The following CXXC5 variants were observed in gnomAD, a reference collection of about 807,000 sequenced individuals.
CXXC5 encodes CXXC finger protein 5.
In CXXC5, 2 loss-of-function variants were observed where a neutral mutation model predicts 17.6. The ratio of observed to expected loss-of-function variants is 0.11; its 90% CI spans 0.05 to 0.36. The LOEUF (loss-of-function observed/expected upper bound fraction) is 0.36. Among genes scored for constraint, CXXC5 ranks in the 10% least tolerant of loss-of-function variants. The pLI is 1.00. For synonymous variants in CXXC5, 171 were observed against 193.0 expected (o/e 0.89, Z 0.94); for missense variants, 343 against 458.3 (o/e 0.75, Z 2.30).
At chr5:139,678,869 T>C (rs585101) in intron 1 of CXXC5, among the ~76,000 whole-genome samples, 53,080 of 152,082 alleles carry the variant, frequency 0.35, 9,740 homozygotes, top group Middle Eastern at 0.45. Flanking sequence ...CACCCCTCTC[T>C]TGGGGCATGC....
chr5:139,648,171 G>A (rs1355824896), upstream of CXXC5: 1 of 150,010 alleles, frequency 6.7e-6, no homozygotes, highest in Non-Finnish European at 1.5e-5. Context: ...CTGCAGCTCC[G>A]GCCTCAGAGC....
rs73261159 is a variant in CXXC5 at position 139,670,619 on chromosome 5, C to T, written c.-160-9745C>T. Among the ~76,000 whole-genome samples, 3 of 152,302 alleles carry T rather than the reference C, an allele frequency of 2.0e-5. No individual in the cohort carries two copies. The highest frequency in any genetic ancestry group is 7.2e-5 in the African/African-American group (3 of 41,558). The stretch of plus-strand genomic sequence containing the variant: ...TTCATGCGGCAAAGATGTGTTGACA[C>T]GTACAGACCAGAAGACTCCACAAAC... On this transcript the variant is annotated intron_variant, in intron 1 of 2. Transcript: ENST00000302517. This position sits in a 1 kb window ranked among gnomAD's most constrained non-coding sequence, Gnocchi z 4.2.
chr5:139,654,705 A>G (rs1313672225), intron 1 of CXXC5, among the ~76,000 whole-genome samples: 2 of 152,176 alleles, frequency 1.3e-5, no homozygotes, highest in African/African-American at 2.4e-5. Flanking sequence ...GACAGACCCC[A>G]TGGGGCACAT....
chr5:139,650,139 G>T (rs1755087302), intron 1 of CXXC5, among the ~76,000 whole-genome samples: 1 of 152,212 alleles, frequency 6.6e-6, no homozygotes, highest in Non-Finnish European at 1.5e-5. Flanking sequence ...GGTGCCTCGG[G>T]CTGCAAGGAA....
chr5:139,672,340 A>T (rs1168722855), intron 1 of CXXC5, among the ~76,000 whole-genome samples: 1 of 151,738 alleles, frequency 6.6e-6, no homozygotes, highest in Non-Finnish European at 1.5e-5. Flanking sequence ...CTGTTCTCGA[A>T]CTCCCGACCT....
At position 139,653,836 on chromosome 5, in the gene CXXC5, C is replaced by T. The variant is rs1755341122; in HGVS notation, c.-161+4991C>T. On this transcript the variant is annotated intron_variant, in intron 1 of 2. Transcript: ENST00000302517. ...CATTTCCTGCCTCTGATGCTGGCCT[C>T]CCTCTGGGCTCACAGGGCCTAGGAG... Among the ~76,000 whole-genome samples the T allele has an allele frequency of 2.7e-5, 4 of 149,224 alleles. No homozygotes were observed. In the South Asian group the frequency reaches 8.3e-4, roughly 31 times the overall value.
At chr5:139,666,718 C>G (rs551168621) in intron 1 of CXXC5, among the ~76,000 whole-genome samples, 1 of 152,220 alleles carries the variant, frequency 6.6e-6, no homozygotes, top group East Asian at 1.9e-4. Context: ...CAGAGAGCTG[C>G]GGAGAGGTGC....
At chr5:139,676,011 GTC>G (rs1756762797) in intron 1 of CXXC5, among the ~76,000 whole-genome samples, 4 of 130,858 alleles carry the variant, frequency 3.1e-5, no homozygotes. Flanking sequence ...CCAGGTATGA[GTC>G]TCCCTCCTTC....
intron 1 of CXXC5, among the ~76,000 whole-genome samples, chr5:139,673,806 A>C (rs367662600): frequency 6.7e-6 from 1 of 148,886 alleles, no homozygotes; most frequent in African/African-American, 2.5e-5. Context: ...CGGGCCACGC[A>C]CTCCAGCCTG....
At chr5:139,671,196 G>A (rs532551250) in intron 1 of CXXC5, among the ~76,000 whole-genome samples, 1 of 152,364 alleles carries the variant, frequency 6.6e-6, no homozygotes, top group Non-Finnish European at 1.5e-5. Flanking sequence ...GTGGGATGGG[G>A]CGGGGGGTTC....
intron 1 of CXXC5, among the ~76,000 whole-genome samples, chr5:139,674,182 A>G (rs6580192): frequency 1 from 151,810 of 152,286 alleles, 75,691 homozygotes; most frequent in Middle Eastern, 1. Context: ...CTCCAAGACC[A>G]GTCTCCCTGG....
At chr5:139,667,833 C>T (rs937416713) in intron 1 of CXXC5, among the ~76,000 whole-genome samples, 1 of 152,158 alleles carries the variant, frequency 6.6e-6, no homozygotes, top group Non-Finnish European at 1.5e-5. Context: ...ATGTTGTTCT[C>T]GCCATCCTTA....
At chr5:139,677,805 C>T (rs1409114427) in intron 1 of CXXC5, among the ~76,000 whole-genome samples, 1 of 152,218 alleles carries the variant, frequency 6.6e-6, no homozygotes, top group Non-Finnish European at 1.5e-5. Context: ...CCAGGAGAGA[C>T]TCAGGACGGA....
At chr5:139,676,893 T>C (rs1271343855) in intron 1 of CXXC5, among the ~76,000 whole-genome samples, 1 of 151,132 alleles carries the variant, frequency 6.6e-6, no homozygotes, top group Non-Finnish European at 1.5e-5. Flanking sequence ...TCCCCTCTAG[T>C]TCTCTGTCTC....
chr5:139,651,618 C>T (rs1367541533), intron 1 of CXXC5, among the ~76,000 whole-genome samples: 5 of 152,034 alleles, frequency 3.3e-5, no homozygotes, highest in African/African-American at 1.2e-4. Flanking sequence ...AATGAAATAC[C>T]CTGCCTTCTT....
At position 139,648,650 on chromosome 5, in the gene CXXC5, G is replaced by T. The variant is rs2126726104; in HGVS notation, c.-356G>T. ...GGGAGGGGGAGGAGGGGCAGGTGCT[G>T]CAGGCTCCCCCCCCTCCCCGCCTCG... On this transcript the variant is annotated 5_prime_UTR_variant, in exon 1 of 3. Coordinates refer to ENST00000302517, the MANE Select transcript of CXXC5 (RefSeq NM_016463.9). 1 of 151,532 alleles carries T rather than the reference G, an allele frequency of 6.6e-6. No homozygotes were observed. Among genetic ancestry groups the T allele is most frequent in the South Asian group, 2.1e-4 (1 of 4,812 alleles). 9.4% of individuals were successfully genotyped at this position (151,532 alleles called of 1,614,324 possible).
intron 1 of CXXC5, among the ~76,000 whole-genome samples, chr5:139,672,248 G>T (rs1756517001): frequency 1.3e-5 from 2 of 152,198 alleles, no homozygotes; most frequent in African/African-American, 4.8e-5. Flanking sequence ...CTCCCGAGTA[G>T]CTGGGATTAC....
rs1757378686 is a variant in CXXC5, at chr5:139,683,553, G to A, written c.*646G>A. The A allele has an allele frequency of 6.6e-6, 1 of 152,354 alleles. No individual in the cohort carries two copies. Among genetic ancestry groups the A allele is most frequent in the African/African-American group, 2.4e-5 (1 of 41,428 alleles). The allele number at this position is 152,354 out of a possible 1,614,324, so 9.4% of individuals were successfully genotyped here. On this transcript the variant is annotated 3_prime_UTR_variant, in exon 3 of 3. Transcript: ENST00000302517. Reference sequence around the variant, plus strand: ...GCTGCACCCACAGTCCCGAGACTGGGATCCCCCACCCCAACAGTGATTTTG... The same window carrying A: ...GCTGCACCCACAGTCCCGAGACTGGAATCCCCCACCCCAACAGTGATTTTG...
intron 2 of CXXC5, 80 bp downstream of exon 2, chr5:139,681,527 C>G (rs1757238187): frequency 1.3e-6 from 2 of 1,483,636 alleles, no homozygotes; most frequent in East Asian, 2.3e-5. Flanking sequence ...CCTGACCCCA[C>G]TTTTCCTACC....
Sources: allele counts gnomAD v4.1 joint callset (sites outside exome capture counted in the v4.1 genomes callset), GRCh38; gene constraint gnomAD v4.1.1; non-coding constraint Gnocchi (gnomAD v3.1); transcripts MANE v1.5; gene names NCBI Gene and HGNC (gene_info 2026-07-23, HGNC 2026-07-21).